The following CACNA1C variants were observed in gnomAD, a reference collection of about 807,000 sequenced individuals.
CACNA1C encodes the protein calcium voltage-gated channel subunit alpha1 C, also known as voltage-dependent L-type calcium channel subunit alpha-1C.
CACNA1C carries 30 observed loss-of-function variants against 229.0 expected under a neutral mutation model. The observed-to-expected ratio is 0.13, with a 90% CI of 0.10 to 0.18. CACNA1C has a LOEUF of 0.18. Among genes scored for constraint, CACNA1C ranks in the 10% least tolerant of loss-of-function variants. The pLI is 1.00. For synonymous variants in CACNA1C, 1,114 were observed against 1,132.5 expected, an observed-to-expected ratio of 0.98 and a Z score of 0.33; for missense variants, 1,658 against 2,845.0, an observed-to-expected ratio of 0.58 and a Z score of 9.49.
intron 10 of CACNA1C, among the ~76,000 whole-genome samples, chr12:2,555,111 C>T (rs7298036): frequency 0.046 from 7,064 of 152,294 alleles, 214 homozygotes; most frequent in African/African-American, 0.081. Flanking sequence ...ACAGAAGGAC[C>T]TGTAGTCCAC....
intron 29 of CACNA1C, among the ~76,000 whole-genome samples, chr12:2,618,943 C>A (rs1164296819): frequency 6.6e-6 from 1 of 152,248 alleles, no homozygotes; most frequent in East Asian, 1.9e-4. Context: ...CACCGCTCAC[C>A]AGGAATCATC....
At position 2,315,614 on chromosome 12, in the gene CACNA1C, C is replaced by G. The variant is rs190968274; in HGVS notation, c.478-133362C>G. ...CGTGCCTCCCACAGAGTCCCGCAAGCTGTGAGTGTCCTCAAACCATCCATC... is the reference window on the plus strand; with the variant it reads ...CGTGCCTCCCACAGAGTCCCGCAAGGTGTGAGTGTCCTCAAACCATCCATC... On this transcript the variant is annotated intron_variant, in intron 3 of 46. Transcript: ENST00000399655. 6.8e-4 allele frequency among the ~76,000 whole-genome samples: 103 copies of G among 152,284 alleles called. 2 individuals carry two copies. The Middle Eastern group carries it at 0.01, about 15-fold the overall frequency.
intron 1 of CACNA1C, among the ~76,000 whole-genome samples, chr12:2,046,452 C>G (rs1171857392): frequency 6.6e-6 from 1 of 152,088 alleles, no homozygotes; most frequent in Non-Finnish European, 1.5e-5. Context: ...TGCAGATGAG[C>G]AAACAGAAGT....
At chr12:2,301,926 T>C (rs907141554) in intron 3 of CACNA1C, among the ~76,000 whole-genome samples, 2 of 152,236 alleles carry the variant, frequency 1.3e-5, no homozygotes, top group Non-Finnish European at 2.9e-5. Flanking sequence ...GGCTTTGCAA[T>C]TGAATGAACT....
intron 3 of CACNA1C, among the ~76,000 whole-genome samples, chr12:2,441,437 C>T (rs1596355929): frequency 6.6e-6 from 1 of 152,304 alleles, no homozygotes; most frequent in Non-Finnish European, 1.5e-5. Context: ...TTAATAATCT[C>T]ATTAATGGAG....
At chr12:2,662,250 AAAAC>A (rs2095799503) in intron 34 of CACNA1C, among the ~76,000 whole-genome samples, 1 of 151,344 alleles carries the variant, frequency 6.6e-6, no homozygotes, top group African/African-American at 2.4e-5. Flanking sequence ...TCAAAAAAAA[AAAAC>A]AAGACAGGAA....
At chr12:2,256,615 T>C (rs2077976095) in intron 3 of CACNA1C, among the ~76,000 whole-genome samples, 1 of 152,068 alleles carries the variant, frequency 6.6e-6, no homozygotes, top group Admixed American at 6.5e-5. Flanking sequence ...TGGTGCAAGA[T>C]TAAGAGCCAG....
intron 29 of CACNA1C, among the ~76,000 whole-genome samples, chr12:2,622,593 A>G (rs1472307679): frequency 6.6e-6 from 1 of 152,166 alleles, no homozygotes; most frequent in Admixed American, 6.5e-5. Context: ...TGCAGTCCTC[A>G]TGATTCCATA....
intron 3 of CACNA1C, among the ~76,000 whole-genome samples, chr12:2,166,210 T>G (rs543917219): frequency 5.3e-5 from 8 of 152,236 alleles, no homozygotes; most frequent in Non-Finnish European, 8.8e-5. Context: ...TGTGCCATGT[T>G]TACCCATATT....
In CACNA1C at chr12:2,674,401, A is replaced by C. The variant is rs1311732757; in HGVS notation, c.4727-140A>C. ...GGTGGAAAATGGGAAGACTGGGGAGAAGTGAAGCAAGCAAGAAAGAAACTG... is the reference window on the plus strand; with the variant it reads ...GGTGGAAAATGGGAAGACTGGGGAGCAGTGAAGCAAGCAAGAAAGAAACTG... On this transcript the variant is annotated intron_variant, in intron 38 of 46. Transcript: ENST00000399655. The C allele has an allele frequency of 4.1e-6, 5 of 1,222,242 alleles. No individual in the cohort carries two copies. The Admixed American group carries it at 8.2e-5, about 20-fold the overall frequency. 75.7% of individuals were successfully genotyped at this position (1,222,242 alleles called of 1,614,324 possible). A position where few individuals can be genotyped will look rare whatever the true frequency, so the allele number is the denominator to read the frequency against.
rs563125654 is a variant in CACNA1C at position 2,465,124 on chromosome 12, A to G, written c.757+7418A>G. ...GAGTTAAGGCACGCAAAGCACTTTA[A>G]TGGTGTCCTGCTTATAGTAAGTGCT... On this transcript the variant is annotated intron_variant, in intron 5 of 46. Coordinates refer to ENST00000399655, the MANE Select transcript of CACNA1C (RefSeq NM_000719.7). Among the ~76,000 whole-genome samples the G allele has an allele frequency of 2.3e-3, 354 of 152,354 alleles. 1 individual carries two copies. Among genetic ancestry groups the G allele is most frequent in the Non-Finnish European group, 4.2e-3 (285 of 68,034 alleles).
intron 3 of CACNA1C, among the ~76,000 whole-genome samples, chr12:2,283,984 C>T (rs2092119315): frequency 6.6e-6 from 1 of 152,182 alleles, no homozygotes; most frequent in South Asian, 2.1e-4. Context: ...AGATCTCATC[C>T]CTGGCTTCCT....
intron 13 of CACNA1C, among the ~76,000 whole-genome samples, chr12:2,577,526 G>A (rs2058853069): frequency 6.6e-6 from 1 of 152,204 alleles, no homozygotes. Flanking sequence ...CCCCATGGAT[G>A]TAGGGAAGCT....
intron 7 of CACNA1C, among the ~76,000 whole-genome samples, chr12:2,495,021 G>A (rs2099743787): frequency 6.6e-6 from 1 of 152,184 alleles, no homozygotes; most frequent in Non-Finnish European, 1.5e-5. Flanking sequence ...AGTATGGCTG[G>A]ACCCATGCCG....
At chr12:1,991,484 C>A in intron 1 of CACNA1C, 1 of 231,290 alleles carries the variant, frequency 4.3e-6, no homozygotes, top group South Asian at 5.1e-5. Context: ...TTATTTTGCC[C>A]AATTTATCCA....
chr12:2,651,623 T>A lies in CACNA1C; in HGVS notation c.3946-17T>A. On this transcript the variant is annotated splice_polypyrimidine_tract_variant and intron_variant, in intron 31 of 46. Coordinates refer to ENST00000399655, the MANE Select transcript of CACNA1C (RefSeq NM_000719.7). The surrounding 1 kb of genome is among the most constrained non-coding windows in gnomAD (Gnocchi z 5.4). ...CTTGCTGTGCTAACTGCACCTCCTG[T>A]TGCCGACGGGTTCCAGAACGCAGAG... 1 of 1,613,936 alleles carries A rather than the reference T, an allele frequency of 6.2e-7. No individual in the cohort carries two copies. Among genetic ancestry groups the A allele is most frequent in the Non-Finnish European group, 8.5e-7 (1 of 1,179,854 alleles).
intron 3 of CACNA1C, among the ~76,000 whole-genome samples, chr12:2,213,970 G>A (rs1053736441): frequency 2.5e-5 from 3 of 118,824 alleles, no homozygotes; most frequent in Non-Finnish European, 5.2e-5. Context: ...GGGCTGAATC[G>A]CGAGTTTGGG....
chr12:2,675,370 A>AAGAC (rs2153771147), intron 39 of CACNA1C, among the ~76,000 whole-genome samples: 1 of 152,320 alleles, frequency 6.6e-6, no homozygotes, highest in African/African-American at 2.4e-5. Flanking sequence ...CACAGGAAAC[A>AAGAC]AGACAATACT....
chr12:2,290,644 G>C (rs540896475), intron 3 of CACNA1C, among the ~76,000 whole-genome samples: 29 of 152,208 alleles, frequency 1.9e-4, no homozygotes, highest in Non-Finnish European at 3.7e-4. Flanking sequence ...GAGCCGAGGA[G>C]CTTGTACCTG....
Sources: gnomAD v4.1 joint callset for allele counts (sites outside exome capture counted in the v4.1 genomes callset) on GRCh38, gnomAD v4.1.1 for gene constraint, Gnocchi (gnomAD v3.1) non-coding constraint, MANE v1.5 for transcripts, NCBI Gene and HGNC (gene_info 2026-07-23, HGNC 2026-07-21) for gene names.